KHDRBS2: variants seen among roughly 807,000 people sequenced by gnomAD.
KHDRBS2 encodes the protein KH domain-containing, RNA-binding, signal transduction-associated protein 2.
A neutral mutation model predicts 44.3 loss-of-function variants in KHDRBS2; 26 were observed. The ratio of observed to expected loss-of-function variants is 0.59; its 90% confidence interval spans 0.43 to 0.81. KHDRBS2 has a LOEUF of 0.81. Among genes scored for constraint, KHDRBS2 ranks in the 40% least tolerant of loss-of-function variants. KHDRBS2 has a pLI of 0.00. For missense variants in KHDRBS2, 476 were observed against 433.1 expected (o/e 1.10, Z -0.88); for synonymous variants, 194 against 151.1 (o/e 1.28, Z -2.08).
chr6:61,793,975 G>A (rs1368118921), intron 6 of KHDRBS2, among the ~76,000 whole-genome samples: 6 of 152,112 alleles, frequency 3.9e-5, no homozygotes, highest in East Asian at 1.9e-4. Context: ...TGACAATTTC[G>A]GTACTGTGTT....
chr6:62,103,131 T>G (rs1020638492), intron 2 of KHDRBS2, among the ~76,000 whole-genome samples: 82 of 152,078 alleles, frequency 5.4e-4, no homozygotes, highest in Admixed American at 1.3e-4. Context: ...AAGGCATCAA[T>G]GAAGTTCTCA....
intron 7 of KHDRBS2, among the ~76,000 whole-genome samples, chr6:61,727,628 C>T (rs1046820948): frequency 7.2e-5 from 11 of 152,032 alleles, no homozygotes; most frequent in Non-Finnish European, 1.3e-4. Context: ...GGCAAAGGAC[C>T]TGAACAGATA....
chr6:61,670,424 T>C, the KHDRBS2 span, among the ~76,000 whole-genome samples: 1 of 151,450 alleles, frequency 6.6e-6, no homozygotes, highest in African/African-American at 2.4e-5. Flanking sequence ...AAGCAGCATA[T>C]CTACATAAAT....
chr6:62,211,404 AACC>A (rs1829020474), intron 1 of KHDRBS2, among the ~76,000 whole-genome samples: 2 of 152,196 alleles, frequency 1.3e-5, no homozygotes, highest in Non-Finnish European at 2.9e-5. Flanking sequence ...CATCATGTGG[AACC>A]ACATTTTATT....
Position 62,041,576 on chromosome 6 carries a change from G to A in KHDRBS2, c.336+6302C>T, listed in dbSNP as rs146969114. Among the ~76,000 whole-genome samples the A allele has an allele frequency of 1.5e-3, 225 of 152,118 alleles. 1 individual carries two copies. Among genetic ancestry groups the A allele is most frequent in the African/African-American group, 5.1e-3 (211 of 41,520 alleles). On this transcript the variant is annotated intron_variant, in intron 3 of 8. Transcript: ENST00000281156. ...ATTTCACTCTTCTAGGGAAATAAGG[G>A]TACAGTACAAATAATGAGTCACAAG...
At chr6:62,285,572 A>G (rs1842371989) in intron 1 of KHDRBS2, among the ~76,000 whole-genome samples, 2 of 152,196 alleles carry the variant, frequency 1.3e-5, no homozygotes, top group East Asian at 1.9e-4. Context: ...AGACCGCGTT[A>G]CATACACTTT....
At chr6:61,566,075 C>G in the KHDRBS2 span, among the ~76,000 whole-genome samples, 9 of 151,442 alleles carry the variant, frequency 5.9e-5, no homozygotes, top group Non-Finnish European at 8.8e-5. Flanking sequence ...CAAAAAAAAT[C>G]CAGTCATTCA....
At chr6:61,561,770 G>T in the KHDRBS2 span, among the ~76,000 whole-genome samples, 1 of 152,092 alleles carries the variant, frequency 6.6e-6, no homozygotes, top group African/African-American at 2.4e-5. Context: ...CCCAGGATAG[G>T]TCCAGAAAGA....
chr6:61,672,563 T>C, the KHDRBS2 span, among the ~76,000 whole-genome samples: 1 of 151,860 alleles, frequency 6.6e-6, no homozygotes, highest in Non-Finnish European at 1.5e-5. Context: ...TGGTATCTCA[T>C]TGTGGTTTTG....
At position 62,087,450 on chromosome 6, in the gene KHDRBS2, T is replaced by C. The variant is rs149874399; in HGVS notation, c.220-39456A>G. ...TTAGAAGACACAAAAATAAAAATTA[T>C]GAAAAATAAAAGATAGAAATGAAAA... On this transcript the variant is annotated intron_variant, in intron 2 of 8. Coordinates refer to ENST00000281156, the MANE Select transcript of KHDRBS2 (RefSeq NM_152688.4). Among the ~76,000 whole-genome samples the C allele has an allele frequency of 6.6e-4, 99 of 150,258 alleles. 1 individual carries two copies. In the East Asian group the frequency reaches 0.016, roughly 25 times the overall value.
intron 1 of KHDRBS2, among the ~76,000 whole-genome samples, chr6:62,210,353 G>A (rs539604163): frequency 2.5e-4 from 32 of 130,232 alleles, no homozygotes; most frequent in South Asian, 9.6e-4. Flanking sequence ...TTTTCAAGAC[G>A]AAGTCTCGCT....
chr6:61,660,202 T>C, the KHDRBS2 span, among the ~76,000 whole-genome samples: 4 of 151,802 alleles, frequency 2.6e-5, no homozygotes, highest in Non-Finnish European at 5.9e-5. Flanking sequence ...GAGAGTGTTA[T>C]ATTGTACAGG....
At chr6:62,247,218 A>G (rs1373829076) in intron 1 of KHDRBS2, among the ~76,000 whole-genome samples, 1 of 152,060 alleles carries the variant, frequency 6.6e-6, no homozygotes, top group East Asian at 1.9e-4. Context: ...AGATATTATA[A>G]TACAAATTAT....
intron 6 of KHDRBS2, among the ~76,000 whole-genome samples, chr6:61,877,415 T>G (rs1161847098): frequency 1.3e-5 from 2 of 151,938 alleles, no homozygotes; most frequent in Non-Finnish European, 2.9e-5. Flanking sequence ...AAGATGATGT[T>G]TCTTAGTAAT....
At chr6:61,733,665 A>G (rs1774853596) in intron 6 of KHDRBS2, among the ~76,000 whole-genome samples, 1 of 152,160 alleles carries the variant, frequency 6.6e-6, no homozygotes, top group Non-Finnish European at 1.5e-5. Context: ...TAAAATAATT[A>G]TGTGTGATGA....
rs556649343 is a variant in KHDRBS2 at position 61,996,766 on chromosome 6, A to T, written c.337-18554T>A. Reference sequence around the variant, plus strand: ...TTTTAAATATTAAATAAACATACACACTCTCTTTTACCCCTCCTCCCCCCC... The same window carrying T: ...TTTTAAATATTAAATAAACATACACTCTCTCTTTTACCCCTCCTCCCCCCC... On this transcript the variant is annotated intron_variant, in intron 3 of 8. Coordinates refer to ENST00000281156, the MANE Select transcript of KHDRBS2 (RefSeq NM_152688.4). 4.0e-5 allele frequency among the ~76,000 whole-genome samples: 6 copies of T among 150,962 alleles called. No homozygotes were observed. In the East Asian group the frequency reaches 1.2e-3, roughly 29 times the overall value.
intron 1 of KHDRBS2, among the ~76,000 whole-genome samples, chr6:62,258,732 C>A (rs1477289973): frequency 6.6e-6 from 1 of 151,902 alleles, no homozygotes; most frequent in Non-Finnish European, 1.5e-5. Flanking sequence ...TATAAATATT[C>A]CAAAATCTGA....
the KHDRBS2 span, among the ~76,000 whole-genome samples, chr6:61,657,119 C>G: frequency 5.3e-5 from 8 of 151,894 alleles, no homozygotes; most frequent in African/African-American, 1.9e-4. Flanking sequence ...AGCTTCTGCC[C>G]AAGCTCCATC....
chr6:61,603,119 G>T, the KHDRBS2 span, among the ~76,000 whole-genome samples: 3 of 152,164 alleles, frequency 2.0e-5, no homozygotes, highest in East Asian at 1.9e-4. Context: ...TGCTTTAAAA[G>T]GATTAAAGCC....
Sources: allele counts gnomAD v4.1 joint callset (sites outside exome capture counted in the v4.1 genomes callset), GRCh38; gene constraint gnomAD v4.1.1; transcripts MANE v1.5; gene names NCBI Gene and HGNC (gene_info 2026-07-23, HGNC 2026-07-21).